Variants in DSCAML1 observed in about 807,000 individuals in gnomAD.
DSCAML1 encodes the protein cell adhesion molecule DSCAML1.
DSCAML1 carries 38 observed loss-of-function variants against 200.5 expected under a neutral mutation model. The observed-to-expected ratio is 0.19, with a 90% confidence interval of 0.15 to 0.25. The LOEUF is 0.25. DSCAML1 is among the 10% of genes least tolerant of loss of function. The pLI is 1.00. For missense variants in DSCAML1, 2,223 were observed against 2,858.8 expected, an observed-to-expected ratio of 0.78 and a Z score of 5.07; for synonymous variants, 1,215 against 1,165.0, an observed-to-expected ratio of 1.04 and a Z score of -0.87.
chr11:117,619,299 G>A (rs1453358781), intron 3 of DSCAML1, among the ~76,000 whole-genome samples: 6 of 152,218 alleles, frequency 3.9e-5, no homozygotes, highest in Non-Finnish European at 7.3e-5. Context: ...GTACAGCAGA[G>A]GCGTGGCTAT....
chr11:117,434,979 G>A (rs972236450), intron 27 of DSCAML1, among the ~76,000 whole-genome samples: 1 of 151,874 alleles, frequency 6.6e-6, no homozygotes, highest in African/African-American at 2.4e-5. Context: ...AGTATGGCTT[G>A]GCCGTTCTTT....
chr11:117,721,266 A>T (rs1359299690), intron 3 of DSCAML1, among the ~76,000 whole-genome samples: 1 of 152,236 alleles, frequency 6.6e-6, no homozygotes, highest in Non-Finnish European at 1.5e-5. Flanking sequence ...AGCTAGAAAG[A>T]ACTTCTTCTC....
At chr11:117,569,029 T>C (rs2050803128) in intron 3 of DSCAML1, among the ~76,000 whole-genome samples, 1 of 152,046 alleles carries the variant, frequency 6.6e-6, no homozygotes, top group African/African-American at 2.4e-5. Flanking sequence ...GAGATATAGA[T>C]CAATGGAACA....
intron 3 of DSCAML1, among the ~76,000 whole-genome samples, chr11:117,682,774 T>C (rs1227395202): frequency 2.6e-5 from 4 of 152,100 alleles, no homozygotes; most frequent in Non-Finnish European, 4.4e-5. Context: ...GACAGGTACA[T>C]GACTCTCTCA....
Position 117,780,313 on chromosome 11 carries a change from GAGAA to G in DSCAML1, c.364+176_364+179del, listed in dbSNP as rs764931868. 2.5e-5 allele frequency among the ~76,000 whole-genome samples: 3 copies of G among 118,112 alleles called. No individual in the cohort carries two copies. The allele number at this position is 118,112 out of a possible 152,430, so 77.5% of individuals were successfully genotyped here. A position where few individuals can be genotyped will look rare whatever the true frequency, so the allele number is the denominator to read the frequency against. On this transcript the variant is annotated intron_variant, in intron 2 of 32. Transcript: ENST00000651296. This position sits in a 1 kb window ranked among gnomAD's most constrained non-coding sequence, Gnocchi z 4.8. Reference sequence around the variant, plus strand: ...GAAAGAAAGAAAGAAAGAGAGAAAGGAGAAAGAAAGGTGTCTCTTATGCCTATGG... The same window carrying G: ...GAAAGAAAGAAAGAAAGAGAGAAAGGAGAAAGGTGTCTCTTATGCCTATGG...
intron 3 of DSCAML1, among the ~76,000 whole-genome samples, chr11:117,581,159 G>C (rs908838745): frequency 6.6e-6 from 1 of 152,178 alleles, no homozygotes; most frequent in Admixed American, 6.5e-5. Context: ...TGCCGTGCCT[G>C]TGCACTTTGA....
chr11:117,494,738 A>G (rs759769980), intron 11 of DSCAML1, among the ~76,000 whole-genome samples: 5 of 152,192 alleles, frequency 3.3e-5, no homozygotes, highest in South Asian at 4.1e-4. Context: ...CCTTAATCCA[A>G]TAGGACTTGT....
At chr11:117,724,979 T>C in intron 3 of DSCAML1, among the ~76,000 whole-genome samples, 1 of 152,002 alleles carries the variant, frequency 6.6e-6, no homozygotes, top group East Asian at 1.9e-4. Flanking sequence ...GCAGAGGGAA[T>C]GCATAAATTC....
At chr11:117,457,108 C>T (rs989374313) in intron 19 of DSCAML1, among the ~76,000 whole-genome samples, 6 of 152,196 alleles carry the variant, frequency 3.9e-5, no homozygotes, top group Admixed American at 6.5e-5. Context: ...AACTGGGGTT[C>T]AGGAAGGCTA....
intron 3 of DSCAML1, among the ~76,000 whole-genome samples, chr11:117,548,210 AC>A (rs2050411121): frequency 6.6e-6 from 1 of 152,152 alleles, no homozygotes; most frequent in Non-Finnish European, 1.5e-5. Flanking sequence ...CCCTCTTCCC[AC>A]CATCTGCTTT....
At chr11:117,565,265 A>T (rs1342080603) in intron 3 of DSCAML1, among the ~76,000 whole-genome samples, 1 of 152,240 alleles carries the variant, frequency 6.6e-6, no homozygotes, top group Non-Finnish European at 1.5e-5. Flanking sequence ...TAAAGATCAG[A>T]TCAGTGAATT....
chr11:117,621,818 G>A (rs1362041385), intron 3 of DSCAML1, among the ~76,000 whole-genome samples: 1 of 152,174 alleles, frequency 6.6e-6, no homozygotes, highest in Non-Finnish European at 1.5e-5. Context: ...GACAACGTGT[G>A]GAAGAATCTG....
At chr11:117,589,884 C>G (rs1165653339) in intron 3 of DSCAML1, among the ~76,000 whole-genome samples, 1 of 152,152 alleles carries the variant, frequency 6.6e-6, no homozygotes, top group Non-Finnish European at 1.5e-5. Context: ...AAGTGAGGCC[C>G]TAAGAGGTTA....
intron 21 of DSCAML1, among the ~76,000 whole-genome samples, chr11:117,441,843 G>A (rs1241659125): frequency 3.9e-5 from 6 of 152,132 alleles, no homozygotes; most frequent in African/African-American, 9.7e-5. Flanking sequence ...ACATGAAGAC[G>A]GCCTCCATGC....
At chr11:117,700,935 A>C (rs2053656418) in intron 3 of DSCAML1, among the ~76,000 whole-genome samples, 1 of 152,244 alleles carries the variant, frequency 6.6e-6, no homozygotes, top group Non-Finnish European at 1.5e-5. Flanking sequence ...CTCCTAAGAC[A>C]GCACAGACTT....
chr11:117,677,971 G>C (rs985039901), intron 3 of DSCAML1, among the ~76,000 whole-genome samples: 3 of 152,208 alleles, frequency 2.0e-5, no homozygotes, highest in African/African-American at 7.2e-5. Flanking sequence ...AAGAGGCTGT[G>C]CGGTGTGTCC....
intron 11 of DSCAML1, among the ~76,000 whole-genome samples, chr11:117,484,680 T>C (rs1415535640): frequency 6.6e-6 from 1 of 152,170 alleles, no homozygotes; most frequent in Non-Finnish European, 1.5e-5. Flanking sequence ...CTGGGTGGAA[T>C]ATAGAGTAAG....
chr11:117,476,976 G>C (rs1248188098), intron 14 of DSCAML1, among the ~76,000 whole-genome samples: 1 of 152,092 alleles, frequency 6.6e-6, no homozygotes, highest in African/African-American at 2.4e-5. Context: ...CATGTGCCAG[G>C]CTGGGTGCTA....
chr11:117,442,214 AGTGT>A, intron 21 of DSCAML1, among the ~76,000 whole-genome samples: 1 of 133,928 alleles, frequency 7.5e-6, no homozygotes, highest in East Asian at 2.9e-4. Context: ...TGCATGTATT[AGTGT>A]GTCTAGTGTG....
Sources: gnomAD v4.1 joint callset for allele counts (sites outside exome capture counted in the v4.1 genomes callset) on GRCh38, gnomAD v4.1.1 for gene constraint, Gnocchi (gnomAD v3.1) non-coding constraint, MANE v1.5 for transcripts, NCBI Gene and HGNC (gene_info 2026-07-23, HGNC 2026-07-21) for gene names.